The following SVIL variants were observed in gnomAD, a reference collection of about 807,000 sequenced individuals.
SVIL encodes the protein supervillin, also known as archvillin.
In SVIL, 101 loss-of-function variants were observed where a neutral mutation model predicts 240.4. That is an observed-to-expected ratio of 0.42 (90% confidence interval 0.36 to 0.50). The LOEUF (loss-of-function observed/expected upper bound fraction) is 0.50, where lower values mean the gene tolerates loss of function less well. Ranked by LOEUF, SVIL falls within the 20% of genes least tolerant of loss-of-function variation. The pLI is 0.01. For synonymous variants in SVIL, 999 were observed against 1,100.0 expected, an observed-to-expected ratio of 0.91 and a Z score of 1.82; for missense variants, 2,512 against 2,818.7, an observed-to-expected ratio of 0.89 and a Z score of 2.46.
chr10:29,575,394 A>G (rs1414807482), intron 1 of SVIL: 2 of 216,492 alleles, frequency 9.2e-6, no homozygotes, highest in Non-Finnish European at 2.0e-5. Context: ...CCTAGGTAAC[A>G]ATTGTGAGAC....
chr10:29,729,026 G>T (rs1221236346), intron 1 of SVIL, among the ~76,000 whole-genome samples: 2 of 152,166 alleles, frequency 1.3e-5, no homozygotes, highest in African/African-American at 4.8e-5. Context: ...CCAAAGTCTG[G>T]GGGTGAGGGG....
At chr10:29,613,997 C>A (rs1356135960) in intron 1 of SVIL, among the ~76,000 whole-genome samples, 1 of 152,178 alleles carries the variant, frequency 6.6e-6, no homozygotes, top group African/African-American at 2.4e-5. Context: ...GCTGCAGAAT[C>A]CTGGCTAAGT....
At chr10:29,694,620 C>A (rs1252635641) in intron 1 of SVIL, among the ~76,000 whole-genome samples, 1 of 152,106 alleles carries the variant, frequency 6.6e-6, no homozygotes, top group Non-Finnish European at 1.5e-5. Context: ...CCATCATATC[C>A]AGCTAATTTT....
At position 29,512,782 on chromosome 10, in the gene SVIL, C is replaced by T; in HGVS notation, c.3469G>A (p.Ala1157Thr). The change falls in exon 17 of 38, where the codon GCC becomes ACC. Residue 1157 changes from alanine (A) to threonine (T), a missense_variant. This residue lies in a region of SVIL where 1,443 missense variants were observed against 1,486.6 expected (regional missense o/e 0.97). Transcript: ENST00000355867. ...SRRQEGGKAP[A>T]SSLHTQEAGR... ...GCTTCCTGGGTGTGCAGGCTGCTGG[C>T]CGGCGCCTTGCCGCCCTCCTGCCTC... is the stretch of plus-strand genomic sequence containing the variant. 3 of 1,613,728 alleles carry T rather than the reference C, an allele frequency of 1.9e-6. No individual in the cohort carries two copies. The South Asian group carries it at 3.3e-5, about 18-fold the overall frequency.
intron 7 of SVIL, 148 bp downstream of exon 7, chr10:29,535,841 C>A (rs1001824042): frequency 4.0e-6 from 3 of 742,250 alleles, no homozygotes; most frequent in Admixed American, 2.4e-5. Context: ...AGGGGAAAAG[C>A]AAATGATTAG....
At chr10:29,514,224 A>G (rs1564550354) in intron 16 of SVIL, among the ~76,000 whole-genome samples, 3 of 152,174 alleles carry the variant, frequency 2.0e-5, no homozygotes, top group Admixed American at 1.3e-4. Context: ...TTAAATCCAT[A>G]AATATTTTTT....
chr10:29,529,175 C>CAAAAAAAAAAAAAAAA (rs66523560), intron 12 of SVIL, among the ~76,000 whole-genome samples: 8 of 66,050 alleles, frequency 1.2e-4, no homozygotes, highest in Non-Finnish European at 1.7e-4. Flanking sequence ...GACTCTCTCT[C>CAAAAAAAAAAAAAAAA]AAAAAAAAAA....
intron 20 of SVIL, 80 bp from the exon 21 acceptor site, chr10:29,493,471 C>A: frequency 6.9e-7 from 1 of 1,459,006 alleles, no homozygotes; most frequent in Non-Finnish European, 9.4e-7. Flanking sequence ...TTTAAAAATT[C>A]TATTGCCTCC....
chr10:29,531,725 A>G (rs1951381675), intron 9 of SVIL, among the ~76,000 whole-genome samples: 2 of 152,254 alleles, frequency 1.3e-5, no homozygotes, highest in South Asian at 4.1e-4. Flanking sequence ...AAGGGGTAAA[A>G]AACATTAAAA....
At chr10:29,640,428 A>G (rs1046285415) in intron 3 of SVIL, among the ~76,000 whole-genome samples, 4 of 152,118 alleles carry the variant, frequency 2.6e-5, no homozygotes, top group Non-Finnish European at 5.9e-5. Context: ...TATGTTTCCC[A>G]GGACTCCGAG....
At chr10:29,714,793 C>G (rs1963515631) in intron 1 of SVIL, among the ~76,000 whole-genome samples, 1 of 151,510 alleles carries the variant, frequency 6.6e-6, no homozygotes, top group Non-Finnish European at 1.5e-5. Context: ...GAGCCCATCT[C>G]TACAAAATAA....
At chr10:29,550,273 CA>C (rs55687306) in intron 6 of SVIL, among the ~76,000 whole-genome samples, 31,703 of 146,480 alleles carry the variant, frequency 0.22, 3,417 homozygotes, top group South Asian at 0.32. Context: ...CCTGTCTCTA[CA>C]AAAAAAAAAA....
chr10:29,466,137 G>A (rs1944881069), intron 33 of SVIL, among the ~76,000 whole-genome samples: 1 of 151,772 alleles, frequency 6.6e-6, no homozygotes, highest in African/African-American at 2.4e-5. Flanking sequence ...AAATTAAAAT[G>A]GCTAAAAAAT....
At chr10:29,549,720 C>T (rs1463666525) in intron 6 of SVIL, among the ~76,000 whole-genome samples, 3 of 142,754 alleles carry the variant, frequency 2.1e-5, no homozygotes, top group East Asian at 2.1e-4. Flanking sequence ...ATGTCCTTTG[C>T]AGGGACATGG....
Position 29,551,096 on chromosome 10 carries a change from C to T in SVIL, c.328G>A (p.Ala110Thr). 2 of 1,614,136 alleles carry T rather than the reference C, an allele frequency of 1.2e-6. No homozygotes were observed. The highest frequency in any genetic ancestry group is 8.5e-7 in the Non-Finnish European group (1 of 1,180,026). Residue 110 changes from alanine to threonine, a missense_variant, in exon 6 of 38, where the codon GCA (alanine) becomes ACA (threonine). Transcript: ENST00000355867. ...TCTGCCAGCTGTCGCCTTCTTTCTG[C>T]TTTGTACCTTGCAATTCTTTCGGCT... is the stretch of plus-strand genomic sequence containing the variant. ...SKAERIARYKAERRRQLAEKY... is the reference protein window; with the variant it reads ...SKAERIARYKTERRRQLAEKY...
At chr10:29,509,014 A>C (rs991705752) in intron 17 of SVIL, among the ~76,000 whole-genome samples, 4 of 152,224 alleles carry the variant, frequency 2.6e-5, no homozygotes, top group African/African-American at 9.6e-5. Flanking sequence ...TAGTTGTAAC[A>C]GAGACTGCTG....
chr10:29,589,687 G>C (rs1468876496), intron 1 of SVIL, among the ~76,000 whole-genome samples: 1 of 152,102 alleles, frequency 6.6e-6, no homozygotes, highest in East Asian at 1.9e-4. Flanking sequence ...AGCAAGCTCT[G>C]TCAATCAAGA....
At chr10:29,479,003 T>C (rs12356825) in intron 29 of SVIL, among the ~76,000 whole-genome samples, 14,298 of 145,534 alleles carry the variant, frequency 0.098, 864 homozygotes, top group Non-Finnish European at 0.14. Flanking sequence ...TTGTCTGACA[T>C]CCCACTACTC....
chr10:29,525,985 G>C (rs1055411755), intron 13 of SVIL, among the ~76,000 whole-genome samples: 1 of 152,140 alleles, frequency 6.6e-6, no homozygotes, highest in African/African-American at 2.4e-5. Flanking sequence ...GCTTTATCCC[G>C]GCACTGCCAT....
Sources: gnomAD v4.1 joint callset for allele counts (sites outside exome capture counted in the v4.1 genomes callset) on GRCh38, gnomAD v4.1.1 for gene constraint, gnomAD v4.1.1 regional missense constraint, MANE v1.5 for transcripts, NCBI Gene and HGNC (gene_info 2026-07-23, HGNC 2026-07-21) for gene names.